The following CA10 variants were observed in gnomAD, a reference collection of about 807,000 sequenced individuals.
CA10 encodes the protein carbonic anhydrase-related protein 10.
Under a neutral mutation model 44.2 loss-of-function variants are expected in CA10, and 14 were observed. The ratio of observed to expected loss-of-function variants is 0.32; its 90% CI spans 0.21 to 0.50. CA10 has a LOEUF of 0.50. CA10 is among the 20% of genes least tolerant of loss of function. The probability of loss-of-function intolerance (pLI) is 0.99; values close to 1 mark genes in which losing one functional copy is unlikely to be tolerated. For missense variants in CA10, 350 were observed against 409.7 expected (o/e 0.85, Z 1.26); for synonymous variants, 159 against 141.6 (o/e 1.12, Z -0.87).
At chr17:52,123,979 A>G (rs2143326035) in intron 1 of CA10, among the ~76,000 whole-genome samples, 1 of 152,340 alleles carries the variant, frequency 6.6e-6, no homozygotes, top group Admixed American at 6.5e-5. Context: ...CACCTCATTC[A>G]TTCACACCTG....
chr17:51,845,454 G>A (rs1978451537), intron 3 of CA10, among the ~76,000 whole-genome samples: 1 of 152,144 alleles, frequency 6.6e-6, no homozygotes, highest in South Asian at 2.1e-4. Context: ...TTACTTTTGT[G>A]GAACCTTGAG....
intron 1 of CA10, among the ~76,000 whole-genome samples, chr17:52,150,496 G>A (rs1989679703): frequency 6.6e-6 from 1 of 152,104 alleles, no homozygotes; most frequent in Non-Finnish European, 1.5e-5. Flanking sequence ...CTCAATAAAT[G>A]TTGAATGATT....
In CA10 at chr17:51,631,221, G is replaced by T. The variant is rs763465838; in HGVS notation, c.*363C>A. The T allele has an allele frequency of 4.1e-5, 9 of 218,836 alleles. No individual in the cohort carries two copies. The highest frequency in any genetic ancestry group is 6.3e-5 in the Non-Finnish European group (7 of 110,438). The allele number at this position is 218,836 out of a possible 1,614,324, so 13.6% of individuals were successfully genotyped here. On this transcript the variant is annotated 3_prime_UTR_variant, in exon 9 of 9. Transcript: ENST00000451037. The stretch of plus-strand genomic sequence containing the variant: ...GGTAGATTTATTAGTTCAGGAAAAC[G>T]GTATCAAAATTGAAATCAGGTTAAC...
chr17:52,155,235 A>C lies in CA10; in HGVS notation c.61+2491T>G, dbSNP rs967869796. Among the ~76,000 whole-genome samples, 64 of 152,218 alleles carry C rather than the reference A, an allele frequency of 4.2e-4. 2 individuals carry two copies. Among genetic ancestry groups the C allele is most frequent in the Non-Finnish European group, 1.8e-4 (12 of 68,042 alleles). ...TAGCACCCACTTAGTGGTCAGGAAA[A>C]TTCATTCCAAGATGCTAAAGAGGTG... On this transcript the variant is annotated intron_variant, in intron 1 of 8. Coordinates refer to ENST00000451037, the MANE Select transcript of CA10 (RefSeq NM_020178.5).
At chr17:52,143,650 G>A (rs983458385) in intron 1 of CA10, among the ~76,000 whole-genome samples, 1 of 152,120 alleles carries the variant, frequency 6.6e-6, no homozygotes, top group Admixed American at 6.5e-5. Flanking sequence ...AAATCACTGG[G>A]ACCTAAAATC....
intron 4 of CA10, among the ~76,000 whole-genome samples, chr17:51,693,675 TTC>T (rs1419467539): frequency 3.3e-5 from 5 of 152,208 alleles, no homozygotes; most frequent in Non-Finnish European, 5.9e-5. Flanking sequence ...CATGATTTCA[TTC>T]TTTTTTTATT....
intron 1 of CA10, among the ~76,000 whole-genome samples, chr17:52,084,919 G>A (rs1261524736): frequency 6.6e-6 from 1 of 152,194 alleles, no homozygotes; most frequent in Non-Finnish European, 1.5e-5. Flanking sequence ...AAAAGAAAAT[G>A]CTATGCCTCT....
chr17:51,942,449 C>T (rs1983115556), intron 2 of CA10, among the ~76,000 whole-genome samples: 1 of 151,618 alleles, frequency 6.6e-6, no homozygotes, highest in African/African-American at 2.4e-5. Flanking sequence ...AGTGTCTTGA[C>T]CAACACATTT....
intron 1 of CA10, among the ~76,000 whole-genome samples, chr17:52,115,762 T>C (rs574943776): frequency 6.6e-6 from 1 of 152,166 alleles, no homozygotes; most frequent in African/African-American, 2.4e-5. Flanking sequence ...TCTTCCCCTC[T>C]CCTGGCCAAG....
intron 3 of CA10, among the ~76,000 whole-genome samples, chr17:51,822,999 AC>A (rs1317579654): frequency 4.6e-5 from 7 of 152,108 alleles, no homozygotes; most frequent in Admixed American, 2.6e-4. Flanking sequence ...TTAATAATCC[AC>A]TAGAGGTTTT....
chr17:51,635,948 G>A lies in CA10; in HGVS notation c.696C>T (p.Phe232=), dbSNP rs146085531. ...IEELYPETSS[F]ITYDGSMTIP... is the part of the protein sequence containing the mutation. ...TAGTCATCGACCCATCGTAAGTGAT[G>A]AAACTAGAGGTCTCTGGATATAGTT... Residue 232 remains phenylalanine, a synonymous_variant, in exon 7 of 9, where the codon TTC becomes TTT. Coordinates refer to ENST00000451037, the MANE Select transcript of CA10 (RefSeq NM_020178.5). 41 of 1,608,850 alleles carry A rather than the reference G, an allele frequency of 2.5e-5. No individual in the cohort carries two copies. The African/African-American group carries it at 4.3e-4, about 17-fold the overall frequency.
At chr17:51,665,193 T>G (rs5022059) in intron 4 of CA10, among the ~76,000 whole-genome samples, 29,790 of 152,184 alleles carry the variant, frequency 0.2, 3,412 homozygotes, top group African/African-American at 0.31. Context: ...TAGGCTTGGT[T>G]TTGTACACAT....
intron 1 of CA10, among the ~76,000 whole-genome samples, chr17:52,074,795 T>C (rs965717337): frequency 6.6e-6 from 1 of 152,136 alleles, no homozygotes; most frequent in Non-Finnish European, 1.5e-5. Context: ...ATTGGAAAAC[T>C]TGTGCCTGCT....
intron 3 of CA10, among the ~76,000 whole-genome samples, chr17:51,790,628 C>A (rs566169733): frequency 1.3e-5 from 2 of 152,324 alleles, no homozygotes; most frequent in Admixed American, 6.5e-5. Context: ...GTCTACTCAT[C>A]TTTACACTGG....
chr17:51,717,529 GTA>G (rs3031848), intron 4 of CA10, among the ~76,000 whole-genome samples: 14,053 of 49,994 alleles, frequency 0.28, 2,859 homozygotes, highest in Middle Eastern at 0.44. Context: ...AAAGAAACTG[GTA>G]TATATATATA....
intron 4 of CA10, among the ~76,000 whole-genome samples, chr17:51,696,370 C>T (rs777427986): frequency 3.3e-5 from 5 of 151,858 alleles, no homozygotes; most frequent in African/African-American, 7.2e-5. Flanking sequence ...TCAGGGTTTC[C>T]GTTTAATCTT....
At chr17:51,737,457 A>G (rs1409827797) in intron 4 of CA10, among the ~76,000 whole-genome samples, 1 of 152,112 alleles carries the variant, frequency 6.6e-6, no homozygotes, top group Non-Finnish European at 1.5e-5. Context: ...CCAATAACTA[A>G]CTGACTTGTA....
rs1215086783 is a variant in CA10 at position 51,754,439 on chromosome 17, A to G, written c.280-6621T>C. The stretch of plus-strand genomic sequence containing the variant: ...TATATATATATATATATATATATAT[A>G]TATATATATCACGTAAAATAAAGAG... On this transcript the variant is annotated intron_variant, in intron 3 of 8. Transcript: ENST00000451037. Among the ~76,000 whole-genome samples the G allele has an allele frequency of 2.4e-4, 31 of 131,394 alleles. No homozygotes were observed. The South Asian group carries it at 7.5e-3, about 32-fold the overall frequency. 86.2% of individuals were successfully genotyped at this position (131,394 alleles called of 152,430 possible). A position where few individuals can be genotyped will look rare whatever the true frequency, so the allele number is the denominator to read the frequency against.
At chr17:51,966,126 C>T (rs960440610) in intron 2 of CA10, among the ~76,000 whole-genome samples, 4 of 151,222 alleles carry the variant, frequency 2.6e-5, no homozygotes, top group African/African-American at 9.7e-5. Context: ...AATAGCCATA[C>T]AAAAAACACC....
Sources: allele counts gnomAD v4.1 joint callset (sites outside exome capture counted in the v4.1 genomes callset), GRCh38; gene constraint gnomAD v4.1.1; transcripts MANE v1.5; gene names NCBI Gene and HGNC (gene_info 2026-07-23, HGNC 2026-07-21).